ARID2: variants seen among roughly 807,000 people sequenced by gnomAD.
ARID2 encodes AT-rich interactive domain-containing protein 2.
ARID2 carries 32 observed loss-of-function variants against 184.6 expected under a neutral mutation model. The observed-to-expected ratio is 0.17, with a 90% CI of 0.13 to 0.23. The LOEUF is 0.23. Ranked by LOEUF, ARID2 falls within the 10% of genes least tolerant of loss-of-function variation. The pLI, the probability that ARID2 is intolerant of heterozygous loss-of-function variation, is 1.00. For synonymous variants in ARID2, 836 were observed against 772.6 expected, an observed-to-expected ratio of 1.08 and a Z score of -1.36; for missense variants, 1,696 against 2,197.6, an observed-to-expected ratio of 0.77 and a Z score of 4.56.
At chr12:45,890,932 C>T (rs1944291687) in intron 16 of ARID2, among the ~76,000 whole-genome samples, 2 of 151,986 alleles carry the variant, frequency 1.3e-5, no homozygotes, top group Admixed American at 1.3e-4. Context: ...TTTGGGAGGC[C>T]AAGGCGGGCA....
intron 3 of ARID2, among the ~76,000 whole-genome samples, chr12:45,761,443 A>G (rs373476370): frequency 1.3e-5 from 2 of 152,134 alleles, no homozygotes; most frequent in South Asian, 4.1e-4. Flanking sequence ...TCTGCCTATA[A>G]TATGTTTACC....
At chr12:45,746,633 T>A (rs534164968) in intron 3 of ARID2, among the ~76,000 whole-genome samples, 10 of 152,328 alleles carry the variant, frequency 6.6e-5, no homozygotes, top group African/African-American at 2.4e-4. Context: ...TGCCGGGCAC[T>A]GCACCAAGTG....
At chr12:45,839,266 A>C (rs769180886) in intron 10 of ARID2, 63 bp from the exon 11 acceptor site, 133 of 1,419,736 alleles carry the variant, frequency 9.4e-5, no homozygotes, top group Non-Finnish European at 1.2e-4. Flanking sequence ...ACATGTGTTC[A>C]CCAGTGATGG....
Position 45,839,478 on chromosome 12 carries a change from C to T in ARID2, c.1480C>T (p.His494Tyr), listed in dbSNP as rs1318427003. The change falls in exon 11 of 21, where the codon CAT (histidine) becomes TAT (tyrosine). Residue 494 changes from histidine to tyrosine, a missense_variant. This residue lies in a region of ARID2 where 713 missense variants were observed against 824.4 expected (regional missense o/e 0.86). Transcript: ENST00000334344. ...TATAGAGCAAGTCCAAACCCAGACT[C>T]ATGTAGCATCTGCCCCAGGTTAGTG... ...QAIEQVQTQT[H>Y]VASAPASRAV... The T allele has an allele frequency of 6.2e-7, 1 of 1,612,584 alleles. No individual in the cohort carries two copies. The highest frequency in any genetic ancestry group is 8.5e-7 in the Non-Finnish European group (1 of 1,179,552).
At position 45,905,940 on chromosome 12, in the gene ARID2, C is replaced by CTTTTTTTTTTTTTTTTTT. The variant is rs1362533296; in HGVS notation, c.*873_*874insTTTTTTTTTTTTTTTTTT. On this transcript the variant is annotated 3_prime_UTR_variant, in exon 21 of 21. Transcript: ENST00000334344. ...GAACTGTGATTTTTTTTTCTTTTTTCTTTTTTTTTTTCTTTTTTTTTTTGT... is the reference window on the plus strand; with the variant it reads ...GAACTGTGATTTTTTTTTCTTTTTTCTTTTTTTTTTTTTTTTTTTTTTTTTTTTTCTTTTTTTTTTTGT... 2 of 166,988 alleles carry CTTTTTTTTTTTTTTTTTT rather than the reference C, an allele frequency of 1.2e-5. No homozygotes were observed. The highest frequency in any genetic ancestry group is 2.8e-5 in the African/African-American group (1 of 35,892). The allele number at this position is 166,988 out of a possible 1,614,324, so 10.3% of individuals were successfully genotyped here. A position where few individuals can be genotyped will look rare whatever the true frequency, so the allele number is the denominator to read the frequency against.
At chr12:45,808,047 C>T (rs560687839) in intron 3 of ARID2, among the ~76,000 whole-genome samples, 9 of 152,234 alleles carry the variant, frequency 5.9e-5, no homozygotes, top group African/African-American at 2.2e-4. Flanking sequence ...TATAGGAGCT[C>T]AGCAAATATT....
At chr12:45,846,220 A>G (rs1048253196) in intron 11 of ARID2, 12 of 152,194 alleles carry the variant, frequency 7.9e-5, no homozygotes, top group African/African-American at 2.2e-4. Context: ...ATTCAAATTT[A>G]TTATTACAAC....
intron 3 of ARID2, among the ~76,000 whole-genome samples, chr12:45,736,311 CG>C (rs1941120491): frequency 1.3e-5 from 2 of 150,650 alleles, no homozygotes; most frequent in African/African-American, 4.9e-5. Flanking sequence ...GAGCCGAGAT[CG>C]TGCCACTGCA....
chr12:45,768,649 T>A (rs1592064401), intron 3 of ARID2, among the ~76,000 whole-genome samples: 2 of 152,046 alleles, frequency 1.3e-5, no homozygotes. Flanking sequence ...GATTGGTAGG[T>A]GCAGTGGAGA....
At chr12:45,778,283 T>C (rs1047398204) in intron 3 of ARID2, among the ~76,000 whole-genome samples, 1 of 152,120 alleles carries the variant, frequency 6.6e-6, no homozygotes, top group African/African-American at 2.4e-5. Flanking sequence ...ATTATAGATC[T>C]AGGATATAGA....
intron 3 of ARID2, among the ~76,000 whole-genome samples, chr12:45,766,494 G>A (rs1941772093): frequency 6.7e-6 from 1 of 150,190 alleles, no homozygotes; most frequent in African/African-American, 2.4e-5. Context: ...TGAAAATGAT[G>A]GAGAGTAGAT....
intron 11 of ARID2, 47 bp downstream of exon 11, chr12:45,839,543 A>C (rs774133102): frequency 6.4e-7 from 1 of 1,554,958 alleles, no homozygotes; most frequent in South Asian, 1.2e-5. Context: ...CGAGTGTATA[A>C]GATTTGATCC....
At chr12:45,792,034 A>G (rs1037150219) in intron 3 of ARID2, among the ~76,000 whole-genome samples, 4 of 152,116 alleles carry the variant, frequency 2.6e-5, no homozygotes. Flanking sequence ...AACTACTTTG[A>G]CTATGTTGAT....
chr12:45,805,467 A>G (rs961783485), intron 3 of ARID2, among the ~76,000 whole-genome samples: 2 of 152,044 alleles, frequency 1.3e-5, no homozygotes, highest in Admixed American at 1.3e-4. Context: ...TAATAGTTTT[A>G]TATCTTTATA....
intron 11 of ARID2, among the ~76,000 whole-genome samples, chr12:45,844,718 T>C (rs980110366): frequency 2.6e-5 from 4 of 152,230 alleles, no homozygotes; most frequent in Non-Finnish European, 5.9e-5. Flanking sequence ...CTAATCCTTA[T>C]AGCAACATAC....
Position 45,893,578 on chromosome 12 carries a change from C to A in ARID2, c.5271+35C>A, listed in dbSNP as rs562739104. The A allele has an allele frequency of 2.3e-4, 378 of 1,610,150 alleles. 3 individuals carry two copies. In the South Asian group the frequency reaches 4.0e-3, roughly 17 times the overall value. ...CCTTGAAACCCTTATCTGTAAAAGT[C>A]TGAGTCCTGTATGATTTAGATCTTT... is the stretch of plus-strand genomic sequence containing the variant. On this transcript the variant is annotated intron_variant, in intron 19 of 20. Transcript: ENST00000334344.
chr12:45,829,113 T>C (rs1051377545), intron 6 of ARID2, among the ~76,000 whole-genome samples: 4 of 152,088 alleles, frequency 2.6e-5, no homozygotes, highest in African/African-American at 9.6e-5. Context: ...TTGGTTTTTT[T>C]CCCTCATATG....
intron 3 of ARID2, among the ~76,000 whole-genome samples, chr12:45,770,347 A>G (rs1356036275): frequency 6.6e-6 from 1 of 152,192 alleles, no homozygotes. Context: ...CATGCCTTAC[A>G]ATGACACAGG....
intron 15 of ARID2, among the ~76,000 whole-genome samples, chr12:45,854,749 A>G (rs1294159952): frequency 2.0e-5 from 3 of 152,236 alleles, no homozygotes; most frequent in African/African-American, 7.2e-5. Flanking sequence ...TAATCTTCCA[A>G]TGTGGTTGTA....
Sources: allele counts gnomAD v4.1 joint callset (sites outside exome capture counted in the v4.1 genomes callset), GRCh38; gene constraint gnomAD v4.1.1; regional missense constraint gnomAD v4.1.1; transcripts MANE v1.5; gene names NCBI Gene and HGNC (gene_info 2026-07-23, HGNC 2026-07-21).